The following COL25A1 variants were observed in gnomAD, a reference collection of about 807,000 sequenced individuals.
COL25A1 encodes the protein collagen alpha-1(XXV) chain.
Under a neutral mutation model 128.4 loss-of-function variants are expected in COL25A1, and 103 were observed. That is an observed-to-expected ratio of 0.80 (90% CI 0.68 to 0.94). The LOEUF is 0.94. Ranked by LOEUF, COL25A1 falls within the 40% of genes least tolerant of loss-of-function variation. The pLI, the probability that COL25A1 is intolerant of heterozygous loss-of-function variation, is 0.00. For missense variants in COL25A1, 745 were observed against 840.0 expected (o/e 0.89, Z 1.40); for synonymous variants, 279 against 277.2 (o/e 1.01, Z -0.06).
chr4:109,021,251 C>G (rs957469171), intron 5 of COL25A1, among the ~76,000 whole-genome samples: 10 of 152,176 alleles, frequency 6.6e-5, no homozygotes, highest in Admixed American at 6.5e-4. Flanking sequence ...AAGATAACTG[C>G]CCAGTATGAA....
In COL25A1 at chr4:108,859,689, T is replaced by C; in HGVS notation, c.1287A>G (p.Ile429Met). The change falls in exon 24 of 38, where the codon ATA becomes ATG. Residue 429 changes from isoleucine (I) to methionine (M), a missense_variant. By Grantham distance (10) the Ile-to-Met change is conservative (BLOSUM62 1). Transcript: ENST00000399132. ...QKGDQGATEI[I>M]DYNGNLHEAL... The stretch of plus-strand genomic sequence containing the variant: ...CTTCGTGGAGGTTGCCGTTGTAGTC[T>C]ATGATCTCAGTGGCTCCTTGATCCC... The C allele has an allele frequency of 6.2e-7, 1 of 1,613,870 alleles. No individual in the cohort carries two copies. The highest frequency in any genetic ancestry group is 8.5e-7 in the Non-Finnish European group (1 of 1,179,910).
chr4:108,995,755 C>A (rs1038868046), intron 6 of COL25A1, among the ~76,000 whole-genome samples: 1 of 152,180 alleles, frequency 6.6e-6, no homozygotes, highest in Non-Finnish European at 1.5e-5. Flanking sequence ...GCCCATCAGA[C>A]TAACAGTGGA....
At chr4:109,286,015 A>G (rs576279624) in intron 3 of COL25A1, among the ~76,000 whole-genome samples, 70 of 152,304 alleles carry the variant, frequency 4.6e-4, no homozygotes, top group African/African-American at 1.6e-3. Context: ...AATCAAAGTA[A>G]TTTTCCTCAG....
intron 8 of COL25A1, among the ~76,000 whole-genome samples, chr4:108,941,834 T>C (rs375560330): frequency 4.6e-5 from 7 of 152,214 alleles, no homozygotes; most frequent in South Asian, 2.1e-4. Flanking sequence ...TAATGTGGCG[T>C]GAACTCAACT....
chr4:108,844,847 C>T (rs35258629), intron 29 of COL25A1, among the ~76,000 whole-genome samples: 11,892 of 152,176 alleles, frequency 0.078, 523 homozygotes, highest in Non-Finnish European at 0.096. Flanking sequence ...AATGTCACTA[C>T]TATCAAACTC....
rs1294495178 is a variant in COL25A1 at position 109,172,831 on chromosome 4, A to G, written c.368-122652T>C. 2.6e-5 allele frequency among the ~76,000 whole-genome samples: 4 copies of G among 152,176 alleles called. No individual in the cohort carries two copies. The East Asian group carries it at 7.7e-4, about 29-fold the overall frequency. On this transcript the variant is annotated intron_variant, in intron 3 of 37. Transcript: ENST00000399132. ...TTCACTTTATCTAAGTTGAATGGGA[A>G]AACAAATCAAATCCACATAATGGAA...
intron 10 of COL25A1, 101 bp downstream of exon 10, chr4:108,940,438 C>A: frequency 2.2e-6 from 2 of 918,088 alleles, no homozygotes; most frequent in East Asian, 2.4e-5. Flanking sequence ...ACTCACTTGA[C>A]CCCCTGACCT....
At position 108,860,908 on chromosome 4, in the gene COL25A1, G is replaced by A. The variant is rs867618742; in HGVS notation, c.1242+19C>T. The A allele has an allele frequency of 5.0e-6, 8 of 1,611,428 alleles. No homozygotes were observed. The South Asian group carries it at 7.7e-5, about 15-fold the overall frequency. On this transcript the variant is annotated intron_variant, in intron 23 of 37. Transcript: ENST00000399132. The stretch of plus-strand genomic sequence containing the variant: ...GATTGTAGGGAGCAAAAGTTTAGAT[G>A]GATGAGAGGAACACTCACCCTTGGT...
At chr4:108,919,388 T>C (rs943444402) in intron 12 of COL25A1, among the ~76,000 whole-genome samples, 2 of 152,166 alleles carry the variant, frequency 1.3e-5, no homozygotes, top group Non-Finnish European at 2.9e-5. Context: ...CCATGCTTAA[T>C]AGAGACATTA....
chr4:109,142,554 CT>C (rs1770516144), intron 3 of COL25A1, among the ~76,000 whole-genome samples: 2 of 151,638 alleles, frequency 1.3e-5, no homozygotes, highest in Non-Finnish European at 2.9e-5. Flanking sequence ...GTCTAAGTCT[CT>C]TTGTAGTCTC....
At chr4:108,862,729 AT>A (rs1465684538) in intron 21 of COL25A1, among the ~76,000 whole-genome samples, 184 bp from the exon 22 acceptor site, 2 of 152,198 alleles carry the variant, frequency 1.3e-5, no homozygotes, top group Non-Finnish European at 2.9e-5. Context: ...TCATCACCAT[AT>A]CATCAATTCA....
chr4:108,873,921 TA>T (rs5860953), intron 19 of COL25A1, among the ~76,000 whole-genome samples: 83,075 of 150,886 alleles, frequency 0.55, 24,004 homozygotes, highest in East Asian at 1. Flanking sequence ...AATGTAATCT[TA>T]AAAAAAAAAC....
At chr4:109,213,998 T>C (rs1490433603) in intron 3 of COL25A1, among the ~76,000 whole-genome samples, 1 of 152,028 alleles carries the variant, frequency 6.6e-6, no homozygotes, top group Non-Finnish European at 1.5e-5. Context: ...CATCAGAAGG[T>C]TGAGTCCCCC....
intron 3 of COL25A1, among the ~76,000 whole-genome samples, chr4:109,095,759 G>A (rs1471316641): frequency 6.6e-6 from 1 of 152,170 alleles, no homozygotes; most frequent in Non-Finnish European, 1.5e-5. Context: ...TGTAAAACAA[G>A]GCCTAGCTGG....
intron 3 of COL25A1, among the ~76,000 whole-genome samples, chr4:109,252,461 T>G (rs1780724001): frequency 6.6e-6 from 1 of 152,214 alleles, no homozygotes; most frequent in Non-Finnish European, 1.5e-5. Flanking sequence ...CTGGGGCAAG[T>G]GGCTCACTGG....
chr4:108,824,161 A>G lies in COL25A1; in HGVS notation c.1845+13T>C, dbSNP rs1230547123. On this transcript the variant is annotated intron_variant, in intron 35 of 37. Transcript: ENST00000399132. ...AGAATCAAACAAGGTACATGCTGGG[A>G]TGGAGAGGTCACCTTTTCTCCCTTT... 6.2e-7 allele frequency: 1 copy of G among 1,613,958 alleles called. No homozygotes were observed. Among genetic ancestry groups the G allele is most frequent in the African/African-American group, 1.3e-5 (1 of 74,914 alleles).
chr4:108,987,684 T>G (rs1254099933), intron 6 of COL25A1, among the ~76,000 whole-genome samples: 1 of 152,180 alleles, frequency 6.6e-6, no homozygotes, highest in African/African-American at 2.4e-5. Flanking sequence ...GTGCATACCT[T>G]TCTTAAACGT....
intron 3 of COL25A1, among the ~76,000 whole-genome samples, chr4:109,126,197 C>A (rs1311880443): frequency 6.6e-6 from 1 of 152,022 alleles, no homozygotes; most frequent in Non-Finnish European, 1.5e-5. Flanking sequence ...GTAAAGCATG[C>A]AAATGAAAAA....
chr4:109,025,758 A>G (rs961672239), intron 5 of COL25A1, among the ~76,000 whole-genome samples: 1 of 152,174 alleles, frequency 6.6e-6, no homozygotes, highest in African/African-American at 2.4e-5. Context: ...CTTACTGACC[A>G]CTACACAACA....
Sources: allele counts gnomAD v4.1 joint callset (sites outside exome capture counted in the v4.1 genomes callset), GRCh38; gene constraint gnomAD v4.1.1; transcripts MANE v1.5; gene names NCBI Gene and HGNC (gene_info 2026-07-23, HGNC 2026-07-21).